ZNF99: variants seen among roughly 807,000 people sequenced by gnomAD.
The protein encoded by ZNF99 is zinc finger protein 99, also known as zinc finger protein ENSP00000375192.
Under a neutral mutation model 12.8 loss-of-function variants are expected in ZNF99, and 8 were observed. The observed-to-expected ratio is 0.62, with a 90% CI of 0.37 to 1.13. The LOEUF is 1.13. ZNF99 is among the 50% of genes most tolerant of loss of function. ZNF99 has a pLI of 0.02. For synonymous variants in ZNF99, 318 were observed against 319.0 expected (o/e 1.00, Z 0.03); for missense variants, 1,007 against 1,006.2 (o/e 1.00, Z -0.01).
In ZNF99 at chr19:22,757,651, A is replaced by G; in HGVS notation, c.2258T>C (p.Val753Ala). ...GCAGGGTTTCTCTGCAGTATGAATTACCTTATGTACAGTAAGTTTTGAGGA... is the reference window on the plus strand; with the variant it reads ...GCAGGGTTTCTCTGCAGTATGAATTGCCTTATGTACAGTAAGTTTTGAGGA... ...KWSSKLTVHK[V>A]IHTAEKPCKC... is the part of the protein sequence containing the mutation. The change falls in exon 4 of 4, where the codon GTA (valine) becomes GCA (alanine). Residue 753 changes from valine (V) to alanine (A), a missense_variant. Coordinates refer to ENST00000596209, the MANE Select transcript of ZNF99 (RefSeq NM_001080409.3). 6.2e-7 allele frequency: 1 copy of G among 1,611,660 alleles called. No individual in the cohort carries two copies. Among genetic ancestry groups the G allele is most frequent in the Non-Finnish European group, 8.5e-7 (1 of 1,179,658 alleles).
At chr19:22,765,245 A>T (rs1459298458) in intron 3 of ZNF99, among the ~76,000 whole-genome samples, 1 of 152,190 alleles carries the variant, frequency 6.6e-6, no homozygotes, top group Admixed American at 6.5e-5. Flanking sequence ...GGAAAACCAA[A>T]CATCGTATGT....
chr19:22,754,611 G>T lies in ZNF99; in HGVS notation c.*2703C>A. The stretch of plus-strand genomic sequence containing the variant: ...TCAGTATGAATTATCTTAATGTGTG[G>T]TAAGATGTGAGAAATGGTTACAGTG... On this transcript the variant is annotated 3_prime_UTR_variant, in exon 4 of 4. Coordinates refer to ENST00000596209, the MANE Select transcript of ZNF99 (RefSeq NM_001080409.3). The T allele has an allele frequency of 2.7e-6, 1 of 373,270 alleles. No individual in the cohort carries two copies. 23.1% of individuals were successfully genotyped at this position (373,270 alleles called of 1,614,324 possible).
rs561701950 is a variant in ZNF99, at chr19:22,770,101, C to T, written c.4-777G>A. ...TGAGTTTCTGAATTTGACAAGCTCACCAGTAATGCCTGTTTTTGGCCCCAA... is the reference window on the plus strand; with the variant it reads ...TGAGTTTCTGAATTTGACAAGCTCATCAGTAATGCCTGTTTTTGGCCCCAA... On this transcript the variant is annotated intron_variant, in intron 1 of 3. Coordinates refer to ENST00000596209, the MANE Select transcript of ZNF99 (RefSeq NM_001080409.3). 18 of 974,476 alleles carry T rather than the reference C, an allele frequency of 1.8e-5. No homozygotes were observed. The South Asian group carries it at 3.2e-4, about 17-fold the overall frequency. The allele number at this position is 974,476 out of a possible 1,614,324, so 60.4% of individuals were successfully genotyped here.
rs778533938 is a variant in ZNF99, at chr19:22,758,507, G to A, written c.1402C>T (p.Leu468Phe). 2 of 1,612,866 alleles carry A rather than the reference G, an allele frequency of 1.2e-6. No homozygotes were observed. The highest frequency in any genetic ancestry group is 1.7e-6 in the Non-Finnish European group (2 of 1,179,638). Residue 468 changes from leucine (L) to phenylalanine (F), a missense_variant, in exon 4 of 4, where the codon CTT becomes TTT. Physicochemically the swap from Leu to Phe is conservative, Grantham distance 22. Coordinates refer to ENST00000596209, the MANE Select transcript of ZNF99 (RefSeq NM_001080409.3). ...GTATGAATTATCTCATGTTTTCTAA[G>A]GGCTGAAAAATTGCTAAAAGCTTTG... ...CSKAFSNFSA[L>F]RKHEIIHTGE...
Position 22,758,453 on chromosome 19 carries a change from A to G in ZNF99, c.1456T>C (p.Cys486Arg). ...TGEKPYKCEE[C>R]GKAFKWSSKL... ...GAGGACCACTTAAAAGCTTTACCAC[A>G]TTCTTCACATTTGTAGGGTTTCTCT... The change falls in exon 4 of 4, where the codon TGT becomes CGT. Residue 486 changes from cysteine to arginine, a missense_variant. Coordinates refer to ENST00000596209, the MANE Select transcript of ZNF99 (RefSeq NM_001080409.3). 1 of 1,613,272 alleles carries G rather than the reference A, an allele frequency of 6.2e-7. No individual in the cohort carries two copies. Among genetic ancestry groups the G allele is most frequent in the Non-Finnish European group, 8.5e-7 (1 of 1,179,710 alleles).
rs1973123524 is a variant in ZNF99 at position 22,759,329 on chromosome 19, T to C, written c.580A>G (p.Ile194Val). The C allele has an allele frequency of 1.9e-6, 3 of 1,548,440 alleles. No individual in the cohort carries two copies. Among genetic ancestry groups the C allele is most frequent in the Admixed American group, 2.0e-5 (1 of 50,750 alleles). ...TTGTAGATATTCTCTCTAGTATGAA[T>C]TCTCTTATGTTGAATTAAGTGTGAA... ...MLSHLIQHKRIHTRENIYKCE... is the reference protein window; with the variant it reads ...MLSHLIQHKRVHTRENIYKCE... Residue 194 changes from isoleucine (I) to valine (V), a missense_variant, in exon 4 of 4, where the codon ATT (isoleucine) becomes GTT (valine). By Grantham distance (29) the Ile-to-Val change is conservative. Transcript: ENST00000596209.
At position 22,756,479 on chromosome 19, in the gene ZNF99, T is replaced by C. The variant is rs1327387826; in HGVS notation, c.*835A>G. 5 of 1,595,038 alleles carry C rather than the reference T, an allele frequency of 3.1e-6. No homozygotes were observed. The African/African-American group carries it at 6.0e-5, about 19-fold the overall frequency. The stretch of plus-strand genomic sequence containing the variant: ...TAGGGTTTCTTTCCAGTATGAATTA[T>C]CCTATGTTTAGTAAGGCGTGAGAAA... On this transcript the variant is annotated 3_prime_UTR_variant, in exon 4 of 4. Transcript: ENST00000596209.
At position 22,756,244 on chromosome 19, in the gene ZNF99, A is replaced by T; in HGVS notation, c.*1070T>A. On this transcript the variant is annotated 3_prime_UTR_variant, in exon 4 of 4. Coordinates refer to ENST00000596209, the MANE Select transcript of ZNF99 (RefSeq NM_001080409.3). ...CAGTATGAATTATCTTATGTTTAGT[A>T]AGGGCTGAAAGATGGTTAAAAGCTT... 1.3e-6 allele frequency: 2 copies of T among 1,576,732 alleles called. No homozygotes were observed. The highest frequency in any genetic ancestry group is 1.7e-6 in the Non-Finnish European group (2 of 1,161,566).
rs1972978858 is a variant in ZNF99 at position 22,752,248 on chromosome 19, ATAATAAAGATAACAATTTAGT to A, written c.*5045_*5065del. 3 of 152,250 alleles carry A rather than the reference ATAATAAAGATAACAATTTAGT, an allele frequency of 2.0e-5. No individual in the cohort carries two copies. Among genetic ancestry groups the A allele is most frequent in the Admixed American group, 6.5e-5 (1 of 15,294 alleles). The allele number at this position is 152,250 out of a possible 1,614,324, so 9.4% of individuals were successfully genotyped here. A position where few individuals can be genotyped will look rare whatever the true frequency, so the allele number is the denominator to read the frequency against. On this transcript the variant is annotated 3_prime_UTR_variant, in exon 4 of 4. Transcript: ENST00000596209. ...TTATTATGACCACAAAAATGACGCT[ATAATAAAGATAACAATTTAGT>A]TTTATATTTCAAAGTGACTAAAAGT...
chr19:22,759,646 T>C lies in ZNF99; in HGVS notation c.263A>G (p.Asp88Gly). ...SSHFTQDFWP[D>G]QSIKDSFQEI... ...TTGGAAAGAATCTTTTATGCTCTGA[T>C]CTGGCCAAAAGTCTTGTGTAAAATG... Residue 88 changes from aspartate to glycine, a missense_variant, in exon 4 of 4, where the codon GAT becomes GGT. Transcript: ENST00000596209. The C allele has an allele frequency of 6.4e-7, 1 of 1,572,352 alleles. No individual in the cohort carries two copies. The highest frequency in any genetic ancestry group is 8.6e-7 in the Non-Finnish European group (1 of 1,165,976).
intron 3 of ZNF99, among the ~76,000 whole-genome samples, chr19:22,767,938 T>C (rs182298757): frequency 9.9e-4 from 150 of 152,276 alleles, no homozygotes; most frequent in African/African-American, 3.5e-3. Flanking sequence ...TGGTAAGAGA[T>C]AGAGCAAGTG....
chr19:22,769,983 G>A (rs776225392), intron 1 of ZNF99: 6 of 1,360,346 alleles, frequency 4.4e-6, no homozygotes, highest in Non-Finnish European at 5.9e-6. Context: ...AAAAAGACAT[G>A]TTGAGTTAGA....
rs1296549446 is a variant in ZNF99 at position 22,757,532 on chromosome 19, C to A, written c.2377G>T (p.Glu793Ter). Reference protein sequence around the residue: ...HTGKKPYKCEECGKAFNNSST... With the variant: ...HTGKKPYKCE ...GAATTGTTAAAAGCTTTGCCACATT[C>A]TTCACATTTATAGGGTTTCTTTCCA... The change falls in exon 4 of 4, where the codon GAA becomes TAA. Residue 793 changes from glutamate (E) to a stop codon, truncating the protein, a stop_gained. Transcript: ENST00000596209. LOFTEE classifies it low-confidence loss of function (END_TRUNC). 6 of 1,610,944 alleles carry A rather than the reference C, an allele frequency of 3.7e-6. No homozygotes were observed. In the East Asian group the frequency reaches 1.3e-4, roughly 36 times the overall value.
At chr19:22,781,885 A>G (rs1973391827) in intron 1 of ZNF99, among the ~76,000 whole-genome samples, 1 of 152,138 alleles carries the variant, frequency 6.6e-6, no homozygotes, top group Admixed American at 6.6e-5. Flanking sequence ...AACACATCAT[A>G]AAGTTTCCAA....
intron 1 of ZNF99, among the ~76,000 whole-genome samples, chr19:22,776,972 C>T (rs1311912721): frequency 1.3e-5 from 2 of 151,910 alleles, no homozygotes; most frequent in Non-Finnish European, 2.9e-5. Context: ...ATGGCAAAAC[C>T]CTATGTCAAC....
intron 3 of ZNF99, among the ~76,000 whole-genome samples, chr19:22,766,641 T>C (rs1433223896): frequency 6.6e-6 from 1 of 151,224 alleles, no homozygotes; most frequent in African/African-American, 2.4e-5. Context: ...CCGGCATAAC[T>C]TTATTTCTTA....
Position 22,759,685 on chromosome 19 carries a change from G to T in ZNF99, c.227-3C>A. On this transcript the variant is annotated splice_polypyrimidine_tract_variant and splice_region_variant and intron_variant, in intron 3 of 3. Coordinates refer to ENST00000596209, the MANE Select transcript of ZNF99 (RefSeq NM_001080409.3). ...TTGTGTAAAATGAGAACTAATAACT[G>T]GAAGAAATGAAAATAATAAATTATG... The T allele has an allele frequency of 6.7e-7, 1 of 1,501,314 alleles. No homozygotes were observed. The highest frequency in any genetic ancestry group is 8.9e-7 in the Non-Finnish European group (1 of 1,128,524). 93.0% of individuals were successfully genotyped at this position (1,501,314 alleles called of 1,614,324 possible). A position where few individuals can be genotyped will look rare whatever the true frequency, so the allele number is the denominator to read the frequency against.
chr19:22,771,272 T>TC (rs1568386597), intron 1 of ZNF99: 3 of 114,382 alleles, frequency 2.6e-5, no homozygotes, highest in African/African-American at 1.2e-4. Context: ...TTTTTTTTTT[T>TC]TGAGGCAGAG....
chr19:22,776,788 C>A (rs1377504849), intron 1 of ZNF99, among the ~76,000 whole-genome samples: 1 of 152,166 alleles, frequency 6.6e-6, no homozygotes, highest in Non-Finnish European at 1.5e-5. Flanking sequence ...CACTGAAGCA[C>A]TATTCACAAT....
Sources: gnomAD v4.1 joint callset for allele counts (sites outside exome capture counted in the v4.1 genomes callset) on GRCh38, gnomAD v4.1.1 for gene constraint, MANE v1.5 for transcripts, NCBI Gene and HGNC (gene_info 2026-07-23, HGNC 2026-07-21) for gene names.